Variants in B3GALT1 observed in about 807,000 individuals in gnomAD.
B3GALT1 encodes UDP-Gal:betaGlcNAc beta 1,3-galactosyltransferase, polypeptide 1.
A neutral mutation model predicts 23.2 loss-of-function variants in B3GALT1; 10 were observed. The ratio of observed to expected loss-of-function variants is 0.43; its 90% CI spans 0.27 to 0.73. B3GALT1 has a LOEUF of 0.73. Among genes scored for constraint, B3GALT1 ranks in the 30% least tolerant of loss-of-function variants. The pLI, the probability that B3GALT1 is intolerant of heterozygous loss-of-function variation, is 0.21. For synonymous variants in B3GALT1, 156 were observed against 141.5 expected (o/e 1.10, Z -0.73); for missense variants, 299 against 405.4 (o/e 0.74, Z 2.25).
intron 2 of B3GALT1, among the ~76,000 whole-genome samples, chr2:167,564,107 G>T (rs1164394391): frequency 2.6e-5 from 4 of 151,660 alleles, no homozygotes; most frequent in East Asian, 3.9e-4. Flanking sequence ...CCTCTCAGAC[G>T]GGGCGGCTGC....
At chr2:167,760,507 T>C (rs1480160753) in intron 3 of B3GALT1, among the ~76,000 whole-genome samples, 1 of 152,186 alleles carries the variant, frequency 6.6e-6, no homozygotes, top group African/African-American at 2.4e-5. Context: ...AGCAAGTAGG[T>C]AATCAGAAAC....
At chr2:167,838,204 C>CA (rs1234271764) in intron 4 of B3GALT1, among the ~76,000 whole-genome samples, 2 of 146,302 alleles carry the variant, frequency 1.4e-5, no homozygotes, top group Admixed American at 1.4e-4. Context: ...AATAGAGACA[C>CA]AAAAAACCCT....
At chr2:167,674,858 A>G (rs2105486999) in intron 3 of B3GALT1, among the ~76,000 whole-genome samples, 1 of 152,344 alleles carries the variant, frequency 6.6e-6, no homozygotes, top group African/African-American at 2.4e-5. Flanking sequence ...TGATATGTAT[A>G]TAAAATATAT....
chr2:167,477,046 T>C (rs1042846499), intron 1 of B3GALT1, among the ~76,000 whole-genome samples: 9 of 152,196 alleles, frequency 5.9e-5, no homozygotes, highest in Admixed American at 1.3e-4. Context: ...TTAGGAGTCA[T>C]CAAAGAATCC....
rs1685106012 is a variant in B3GALT1 at position 167,613,519 on chromosome 2, C to G, written c.-409-33390C>G. ...AACCCAATACCAGATATCAACTACT[C>G]ATTGTCTCCTGTTTATAACGTGAGT... On this transcript the variant is annotated intron_variant, in intron 2 of 4. Coordinates refer to ENST00000392690, the MANE Select transcript of B3GALT1 (RefSeq NM_020981.4). Among the ~76,000 whole-genome samples the G allele has an allele frequency of 2.0e-5, 3 of 151,580 alleles. No individual in the cohort carries two copies. The South Asian group carries it at 6.2e-4, about 31-fold the overall frequency.
chr2:167,810,814 G>A (rs72880378), intron 3 of B3GALT1, among the ~76,000 whole-genome samples: 3,847 of 152,094 alleles, frequency 0.025, 111 homozygotes, highest in South Asian at 0.069. Context: ...TTGTTATCTC[G>A]GCAGAAAAAT....
rs117362378 is a variant in B3GALT1 at position 167,579,776 on chromosome 2, C to A, written c.-409-67133C>A. ...ATTGTTGCTCTTTTTTTGTCTCTCC[C>A]TCTCACCTTTAGAGAAGGCAGGGAT... On this transcript the variant is annotated intron_variant, in intron 2 of 4. Transcript: ENST00000392690. Among the ~76,000 whole-genome samples, 847 of 152,072 alleles carry A rather than the reference C, an allele frequency of 5.6e-3. 24 individuals are homozygous for A. The East Asian group carries it at 0.082, about 15-fold the overall frequency.
intron 1 of B3GALT1, among the ~76,000 whole-genome samples, chr2:167,432,781 A>T (rs1432937834): frequency 6.6e-6 from 1 of 152,210 alleles, no homozygotes; most frequent in Non-Finnish European, 1.5e-5. Flanking sequence ...CTTTTAGAGC[A>T]GCTTTAGGTT....
At chr2:167,811,999 C>G (rs1688898920) in intron 3 of B3GALT1, among the ~76,000 whole-genome samples, 1 of 152,208 alleles carries the variant, frequency 6.6e-6, no homozygotes, top group Non-Finnish European at 1.5e-5. Flanking sequence ...TTGGACTATT[C>G]TCTCGCCCAT....
At chr2:167,826,192 G>T (rs1175757117) in intron 4 of B3GALT1, among the ~76,000 whole-genome samples, 1 of 152,068 alleles carries the variant, frequency 6.6e-6, no homozygotes, top group Non-Finnish European at 1.5e-5. Context: ...GCAGGGAATG[G>T]GTCAGGTCAC....
At chr2:167,433,383 A>G (rs1698733111) in intron 1 of B3GALT1, among the ~76,000 whole-genome samples, 1 of 152,232 alleles carries the variant, frequency 6.6e-6, no homozygotes, top group African/African-American at 2.4e-5. Flanking sequence ...AATTATGGTA[A>G]AGCTCCTATA....
chr2:167,485,027 G>A (rs1368390345), intron 1 of B3GALT1, among the ~76,000 whole-genome samples: 2 of 152,052 alleles, frequency 1.3e-5, no homozygotes, highest in African/African-American at 4.8e-5. Context: ...CTGGTCAGTT[G>A]TGCCTGAATT....
intron 3 of B3GALT1, among the ~76,000 whole-genome samples, chr2:167,817,039 CTGTT>C (rs748250448): frequency 1.3e-5 from 2 of 152,170 alleles, no homozygotes; most frequent in Non-Finnish European, 2.9e-5. Flanking sequence ...TGGTGTTTGT[CTGTT>C]TGGCCAAATA....
chr2:167,700,380 C>T (rs779382015), intron 3 of B3GALT1, among the ~76,000 whole-genome samples: 1 of 152,010 alleles, frequency 6.6e-6, no homozygotes, highest in Non-Finnish European at 1.5e-5. Flanking sequence ...TATTTTATTA[C>T]CACTATAGAA....
chr2:167,366,316 T>C (rs1269424415), intron 1 of B3GALT1, among the ~76,000 whole-genome samples: 2 of 152,172 alleles, frequency 1.3e-5, no homozygotes, highest in African/African-American at 4.8e-5. Flanking sequence ...GATAAGAAAT[T>C]AGAATCTGGA....
intron 3 of B3GALT1, among the ~76,000 whole-genome samples, chr2:167,708,466 G>T (rs769142597): frequency 3.3e-5 from 5 of 152,100 alleles, no homozygotes; most frequent in Non-Finnish European, 5.9e-5. Flanking sequence ...TTCAAGACCA[G>T]CCTGACCAAC....
At chr2:167,707,395 T>G (rs1250009059) in intron 3 of B3GALT1, among the ~76,000 whole-genome samples, 2 of 152,196 alleles carry the variant, frequency 1.3e-5, no homozygotes, top group African/African-American at 4.8e-5. Flanking sequence ...AATTTTACTA[T>G]CTTTCCATTC....
rs111653291 is a variant in B3GALT1, at chr2:167,712,908, G to A, written c.-352+65942G>A. On this transcript the variant is annotated intron_variant, in intron 3 of 4. Transcript: ENST00000392690. Reference sequence around the variant, plus strand: ...TTAAATTTATTTAAATAGCTGCAATGATTAGTTTCTCTACTGTCAATAGGG... The same window carrying A: ...TTAAATTTATTTAAATAGCTGCAATAATTAGTTTCTCTACTGTCAATAGGG... Among the ~76,000 whole-genome samples, 533 of 152,312 alleles carry A rather than the reference G, an allele frequency of 3.5e-3. 2 individuals carry two copies. Among genetic ancestry groups the A allele is most frequent in the African/African-American group, 0.012 (503 of 41,560 alleles).
chr2:167,808,101 T>A (rs968929397), intron 3 of B3GALT1, among the ~76,000 whole-genome samples: 6 of 151,522 alleles, frequency 4.0e-5, no homozygotes, highest in African/African-American at 1.5e-4. Flanking sequence ...TAAAGTCTGT[T>A]TTATCAGAGA....
Sources: gnomAD v4.1 joint callset for allele counts (sites outside exome capture counted in the v4.1 genomes callset) on GRCh38, gnomAD v4.1.1 for gene constraint, MANE v1.5 for transcripts, NCBI Gene and HGNC (gene_info 2026-07-23, HGNC 2026-07-21) for gene names.